The following TJP1 variants were observed in gnomAD, a reference collection of about 807,000 sequenced individuals.
TJP1 encodes tight junction protein 1, also known as tight junction protein ZO-1.
A neutral mutation model predicts 194.2 loss-of-function variants in TJP1; 43 were observed. The observed-to-expected ratio is 0.22, with a 90% CI of 0.17 to 0.29. TJP1 has a LOEUF of 0.29. Ranked by LOEUF, TJP1 falls within the 10% of genes least tolerant of loss-of-function variation. The pLI is 1.00. For missense variants in TJP1, 1,971 were observed against 2,185.7 expected (o/e 0.90, Z 1.96); for synonymous variants, 801 against 779.0 (o/e 1.03, Z -0.47).
intron 27 of TJP1, among the ~76,000 whole-genome samples, chr15:29,703,561 A>G (rs987005816): frequency 2.2e-4 from 33 of 152,362 alleles, no homozygotes; most frequent in Admixed American, 1.8e-3. Context: ...GTGCAGGACA[A>G]TATCTCCCAC....
chr15:29,744,378 ATACAAATGTACTCAAGAAAACATT>A (rs1442074685), intron 8 of TJP1, among the ~76,000 whole-genome samples: 1 of 152,228 alleles, frequency 6.6e-6, no homozygotes, highest in Non-Finnish European at 1.5e-5. Context: ...TTCTAGAGAA[ATACAAATGTACTCAAGAAAACATT>A]TATAAGAACA....
At chr15:29,753,835 A>C (rs1288856417) in intron 8 of TJP1, among the ~76,000 whole-genome samples, 1 of 152,032 alleles carries the variant, frequency 6.6e-6, no homozygotes, top group Non-Finnish European at 1.5e-5. Flanking sequence ...AAAAAAAAAA[A>C]AAACAAAGGT....
chr15:29,965,487 C>T (rs1465673951), intron 1 of TJP1, among the ~76,000 whole-genome samples: 2 of 152,128 alleles, frequency 1.3e-5, no homozygotes, highest in African/African-American at 2.4e-5. Flanking sequence ...GCTGAGATTA[C>T]AGGTATGAGC....
intron 8 of TJP1, among the ~76,000 whole-genome samples, chr15:29,758,738 A>G (rs1036820321): frequency 3.3e-5 from 5 of 152,152 alleles, no homozygotes; most frequent in Admixed American, 2.0e-4. Context: ...CCTTTTCCTG[A>G]TAACAATCTA....
At chr15:29,927,161 A>G (rs2152263739) in intron 2 of TJP1, among the ~76,000 whole-genome samples, 1 of 152,294 alleles carries the variant, frequency 6.6e-6, no homozygotes, top group South Asian at 2.1e-4. Flanking sequence ...CTGTACTAAA[A>G]ATACAAAAAT....
chr15:29,921,419 C>T (rs974561769), intron 2 of TJP1, among the ~76,000 whole-genome samples: 13 of 152,198 alleles, frequency 8.5e-5, no homozygotes, highest in African/African-American at 2.9e-4. Context: ...TTATCAGCCC[C>T]CTCAGCACCT....
chr15:29,770,775 T>C (rs2046618886), intron 4 of TJP1, among the ~76,000 whole-genome samples: 1 of 152,002 alleles, frequency 6.6e-6, no homozygotes, highest in Non-Finnish European at 1.5e-5. Context: ...AGTCAAAAAG[T>C]TAGAAAGTTT....
At chr15:29,719,743 G>A (rs775324739) in intron 20 of TJP1, 34 bp downstream of exon 20, 4 of 1,586,718 alleles carry the variant, frequency 2.5e-6, no homozygotes, top group South Asian at 2.3e-5. Flanking sequence ...TTGATGGACA[G>A]CAACAAATTA....
chr15:29,860,701 T>TC (rs563457571), intron 2 of TJP1, among the ~76,000 whole-genome samples: 143 of 152,330 alleles, frequency 9.4e-4, no homozygotes, highest in Middle Eastern at 6.8e-3. Flanking sequence ...TTAGGCTGTT[T>TC]CCATCTTTTG....
At chr15:29,940,699 A>T (rs1247692553) in intron 2 of TJP1, among the ~76,000 whole-genome samples, 1 of 152,240 alleles carries the variant, frequency 6.6e-6, no homozygotes, top group Admixed American at 6.5e-5. Flanking sequence ...ATAATCTAAG[A>T]TCATCTCTGA....
intron 2 of TJP1, among the ~76,000 whole-genome samples, chr15:29,944,046 G>T (rs143687150): frequency 6.6e-6 from 1 of 151,842 alleles, no homozygotes; most frequent in African/African-American, 2.4e-5. Context: ...ATTAAAAATC[G>T]TTAGAAAACA....
At chr15:29,821,532 C>T (rs2050346726) in intron 1 of TJP1, 1 of 152,214 alleles carries the variant, frequency 6.6e-6, no homozygotes, top group Non-Finnish European at 1.5e-5. Flanking sequence ...CAGGGAGTGA[C>T]ATCAGATCGA....
chr15:29,751,965 C>T (rs919647091), intron 8 of TJP1, among the ~76,000 whole-genome samples: 6 of 152,014 alleles, frequency 3.9e-5, no homozygotes, highest in African/African-American at 1.2e-4. Context: ...TGTTCTATTG[C>T]CCAGGCTACA....
chr15:29,833,961 C>T (rs1374964048), intron 2 of TJP1, among the ~76,000 whole-genome samples: 1 of 115,678 alleles, frequency 8.6e-6, no homozygotes, highest in Non-Finnish European at 1.7e-5. Flanking sequence ...CGGCTCACTG[C>T]AAGCTCCACC....
rs2044097276 is a variant in TJP1 at position 29,737,276 on chromosome 15, A to G, written c.1395T>C (p.Asp465=). 1.2e-6 allele frequency: 2 copies of G among 1,613,924 alleles called. No homozygotes were observed. Among genetic ancestry groups the G allele is most frequent in the Non-Finnish European group, 1.7e-6 (2 of 1,179,956 alleles). Reference sequence around the variant, plus strand: ...AATACTGACATACCCTGAGAATTTGATCACCTTCCTCTAAGCCTTCCTTGG... The same window carrying G: ...AATACTGACATACCCTGAGAATTTGGTCACCTTCCTCTAAGCCTTCCTTGG... ...PAAKEGLEEG[D]QILRVNNVDF... The change falls in exon 11 of 28, where the codon GAT becomes GAC. Residue 465 remains aspartate (D), a synonymous_variant. Coordinates refer to ENST00000614355, the MANE Select transcript of TJP1 (RefSeq NM_001330239.4).
At chr15:29,869,651 T>C (rs1048970308) in intron 2 of TJP1, among the ~76,000 whole-genome samples, 2 of 152,030 alleles carry the variant, frequency 1.3e-5, no homozygotes, top group African/African-American at 4.8e-5. Flanking sequence ...TATCAGTCCC[T>C]TGAAGCCAAA....
chr15:29,919,579 G>A (rs1199151271), intron 2 of TJP1, among the ~76,000 whole-genome samples: 1 of 152,188 alleles, frequency 6.6e-6, no homozygotes, highest in African/African-American at 2.4e-5. Context: ...AAGGGATAGG[G>A]TGTAACCAGG....
At chr15:29,960,930 T>C (rs1432845229) in intron 1 of TJP1, among the ~76,000 whole-genome samples, 3 of 152,290 alleles carry the variant, frequency 2.0e-5, no homozygotes, top group Middle Eastern at 6.8e-3. Context: ...TTAACTCTGG[T>C]GTAAGTAGAA....
chr15:29,828,573 C>T (rs1005917757), intron 2 of TJP1, among the ~76,000 whole-genome samples: 17 of 152,178 alleles, frequency 1.1e-4, no homozygotes, highest in African/African-American at 3.9e-4. Context: ...TTCCTCCTCT[C>T]CCCCCATATG....
Sources: gnomAD v4.1 joint callset for allele counts (sites outside exome capture counted in the v4.1 genomes callset) on GRCh38, gnomAD v4.1.1 for gene constraint, MANE v1.5 for transcripts, NCBI Gene and HGNC (gene_info 2026-07-23, HGNC 2026-07-21) for gene names.